Variants in ROBO1 observed in about 807,000 individuals in gnomAD.
ROBO1 encodes the protein roundabout homolog 1.
ROBO1 carries 149 observed loss-of-function variants against 195.9 expected under a neutral mutation model. The ratio of observed to expected loss-of-function variants is 0.76; its 90% CI spans 0.67 to 0.87. ROBO1 has a LOEUF of 0.87. ROBO1 is among the 40% of genes least tolerant of loss of function. The probability of loss-of-function intolerance (pLI) is 0.00; values close to 1 mark genes in which losing one functional copy is unlikely to be tolerated. For synonymous variants in ROBO1, 816 were observed against 733.2 expected, an observed-to-expected ratio of 1.11 and a Z score of -1.82; for missense variants, 1,933 against 2,068.3, an observed-to-expected ratio of 0.93 and a Z score of 1.27.
chr3:79,152,677 CA>C (rs1429829976), intron 2 of ROBO1, among the ~76,000 whole-genome samples: 7 of 151,598 alleles, frequency 4.6e-5, no homozygotes, highest in African/African-American at 1.5e-4. Flanking sequence ...AGCTGACAGT[CA>C]AATGGGAGGA....
intron 1 of ROBO1, among the ~76,000 whole-genome samples, chr3:79,702,187 G>A (rs1576253711): frequency 1.3e-5 from 2 of 151,944 alleles, no homozygotes; most frequent in South Asian, 4.1e-4. Context: ...ACAATTCTAA[G>A]GATATTTGAA....
Position 79,163,548 on chromosome 3 carries a change from G to A in ROBO1, c.89-38009C>T, listed in dbSNP as rs112794800. On this transcript the variant is annotated intron_variant, in intron 2 of 30. Transcript: ENST00000464233. ...TATTCTTTTGGGTCTATACCCAAAA[G>A]TGGAATTGGTGCATCATATGGTAAT... Among the ~76,000 whole-genome samples, 139 of 152,176 alleles carry A rather than the reference G, an allele frequency of 9.1e-4. 1 individual carries two copies. The highest frequency in any genetic ancestry group is 3.2e-3 in the African/African-American group (134 of 41,540).
intron 1 of ROBO1, among the ~76,000 whole-genome samples, chr3:79,624,535 C>G (rs1478369099): frequency 1.3e-5 from 2 of 151,846 alleles, no homozygotes; most frequent in South Asian, 4.2e-4. Context: ...GGAAAAAAAG[C>G]AGGGATTACA....
chr3:79,050,847 T>C (rs933035882), intron 3 of ROBO1, among the ~76,000 whole-genome samples: 1 of 152,144 alleles, frequency 6.6e-6, no homozygotes, highest in Non-Finnish European at 1.5e-5. Context: ...AATAAAGATG[T>C]TCTTTGAAGC....
At chr3:79,481,443 C>T (rs180916031) in intron 2 of ROBO1, among the ~76,000 whole-genome samples, 1 of 152,214 alleles carries the variant, frequency 6.6e-6, no homozygotes, top group East Asian at 1.9e-4. Flanking sequence ...TGTGAATAGC[C>T]TAGGAGCTCT....
At chr3:79,544,494 A>G (rs561028191) in intron 2 of ROBO1, among the ~76,000 whole-genome samples, 10 of 152,048 alleles carry the variant, frequency 6.6e-5, no homozygotes, top group Non-Finnish European at 1.5e-4. Context: ...GTTTTCAAAT[A>G]ACAATATATT....
chr3:79,388,933 C>A (rs78110165), intron 2 of ROBO1, among the ~76,000 whole-genome samples: 10 of 151,950 alleles, frequency 6.6e-5, no homozygotes, highest in Non-Finnish European at 1.5e-4. Flanking sequence ...TTAAAAACAA[C>A]GTATTTGTTA....
At chr3:79,225,831 C>T (rs972750248) in intron 2 of ROBO1, among the ~76,000 whole-genome samples, 13 of 152,150 alleles carry the variant, frequency 8.5e-5, no homozygotes, top group African/African-American at 3.1e-4. Flanking sequence ...AAATAGCTAG[C>T]AATGGCTCCG....
intron 5 of ROBO1, among the ~76,000 whole-genome samples, chr3:78,741,925 A>G (rs1278162883): frequency 1.3e-5 from 2 of 152,266 alleles, no homozygotes; most frequent in South Asian, 4.1e-4. Context: ...AGACTCTCCT[A>G]TCATGTAAGA....
chr3:79,228,885 A>C (rs2082271948), intron 2 of ROBO1, among the ~76,000 whole-genome samples: 1 of 152,180 alleles, frequency 6.6e-6, no homozygotes, highest in Admixed American at 6.5e-5. Context: ...TTCAGAAAAA[A>C]AATCAGTTAA....
At chr3:78,626,591 GT>G (rs1704795282) in intron 26 of ROBO1, among the ~76,000 whole-genome samples, 1 of 152,090 alleles carries the variant, frequency 6.6e-6, no homozygotes, top group South Asian at 2.1e-4. Flanking sequence ...CAAAAAAACA[GT>G]ATAAATAAAA....
intron 3 of ROBO1, chr3:79,018,518 G>T (rs1005372945): frequency 1.7e-5 from 28 of 1,608,140 alleles, no homozygotes; most frequent in Non-Finnish European, 2.3e-5. Context: ...GTGGAAATAG[G>T]GTCCCCAAAT....
At chr3:79,179,093 G>A (rs2081300625) in intron 2 of ROBO1, among the ~76,000 whole-genome samples, 1 of 152,070 alleles carries the variant, frequency 6.6e-6, no homozygotes, top group Non-Finnish European at 1.5e-5. Context: ...GACATCAGAT[G>A]GGCTTTTCCC....
At chr3:79,271,574 T>A (rs1217416523) in intron 2 of ROBO1, among the ~76,000 whole-genome samples, 2 of 152,068 alleles carry the variant, frequency 1.3e-5, no homozygotes, top group East Asian at 3.9e-4. Context: ...CTGCTCTTTT[T>A]TTGGAAGGGA....
Position 79,700,317 on chromosome 3 carries a change from T to TTGTGTGTGTGTG in ROBO1, c.-51+67423_-51+67434dup, listed in dbSNP as rs71130610. On this transcript the variant is annotated intron_variant, in intron 1 of 30. Coordinates refer to ENST00000464233, the MANE Select transcript of ROBO1 (RefSeq NM_002941.4). ...TGTGTGTGTGTTTGTGTGTGTGTGT[T>TTGTGTGTGTGTG]TGTGTGTGTGTGTGTGTGTGTGTGT... Among the ~76,000 whole-genome samples the TTGTGTGTGTGTG allele has an allele frequency of 3.1e-3, 450 of 144,236 alleles. 3 individuals are homozygous for TTGTGTGTGTGTG. The highest frequency in any genetic ancestry group is 6.1e-3 in the African/African-American group (235 of 38,688). 94.6% of individuals were successfully genotyped at this position (144,236 alleles called of 152,430 possible). A position where few individuals can be genotyped will look rare whatever the true frequency, so the allele number is the denominator to read the frequency against.
intron 1 of ROBO1, among the ~76,000 whole-genome samples, chr3:79,643,208 A>G (rs2106684761): frequency 6.6e-6 from 1 of 152,182 alleles, no homozygotes; most frequent in Non-Finnish European, 1.5e-5. Flanking sequence ...CGTTCTTCAG[A>G]TTCTGTACTC....
At chr3:79,214,956 A>G (rs1337952565) in intron 2 of ROBO1, among the ~76,000 whole-genome samples, 1 of 151,900 alleles carries the variant, frequency 6.6e-6, no homozygotes, top group Non-Finnish European at 1.5e-5. Context: ...CAACATGGTG[A>G]TATTTCAACT....
At chr3:79,183,080 C>CAAAAAAAAAAAAAAAAAAAA (rs1304597488) in intron 2 of ROBO1, among the ~76,000 whole-genome samples, 19 of 64,800 alleles carry the variant, frequency 2.9e-4, no homozygotes, top group African/African-American at 7.5e-4. Context: ...GACTCCAACT[C>CAAAAAAAAAAAAAAAAAAAA]AAAAAAAAAA....
At chr3:79,342,722 A>G (rs1421342129) in intron 2 of ROBO1, among the ~76,000 whole-genome samples, 1 of 152,146 alleles carries the variant, frequency 6.6e-6, no homozygotes, top group Admixed American at 6.5e-5. Context: ...AAAATAATGG[A>G]ATGATGAATC....
Sources: allele counts gnomAD v4.1 joint callset (sites outside exome capture counted in the v4.1 genomes callset), GRCh38; gene constraint gnomAD v4.1.1; transcripts MANE v1.5; gene names NCBI Gene and HGNC (gene_info 2026-07-23, HGNC 2026-07-21).